Variants in SLC13A3 observed in about 807,000 individuals in gnomAD.
SLC13A3 encodes Na(+)/dicarboxylate cotransporter 3.
SLC13A3 carries 40 observed loss-of-function variants against 59.0 expected under a neutral mutation model. The ratio of observed to expected loss-of-function variants is 0.68; its 90% CI spans 0.53 to 0.88. SLC13A3 has a LOEUF of 0.88. SLC13A3 is among the 40% of genes least tolerant of loss of function. SLC13A3 has a pLI of 0.00. For missense variants in SLC13A3, 699 were observed against 783.2 expected (o/e 0.89, Z 1.28); for synonymous variants, 317 against 330.3 (o/e 0.96, Z 0.44).
At chr20:46,612,039 C>CA (rs950998706) in intron 2 of SLC13A3, among the ~76,000 whole-genome samples, 15 of 145,698 alleles carry the variant, frequency 1.0e-4, no homozygotes, top group South Asian at 2.2e-4. Flanking sequence ...CTCTGTCACC[C>CA]AAAAAAAAAT....
At chr20:46,579,305 T>G (rs2146105533) in intron 9 of SLC13A3, among the ~76,000 whole-genome samples, 1 of 152,166 alleles carries the variant, frequency 6.6e-6, no homozygotes, top group African/African-American at 2.4e-5. Context: ...TTCTTAAATT[T>G]CTGGAGACAG....
intron 1 of SLC13A3, among the ~76,000 whole-genome samples, chr20:46,637,683 C>T (rs1363862383): frequency 6.6e-6 from 1 of 152,200 alleles, no homozygotes; most frequent in Non-Finnish European, 1.5e-5. Context: ...CATGTGAACC[C>T]ATCATCACAA....
At chr20:46,583,539 A>G in intron 9 of SLC13A3, 33 bp downstream of exon 9, 10 of 1,601,356 alleles carry the variant, frequency 6.2e-6, no homozygotes, top group Non-Finnish European at 8.5e-6. Flanking sequence ...GTCCTCACTG[A>G]GCCCACCGAG....
chr20:46,575,913 G>T (rs1424530374), intron 9 of SLC13A3, among the ~76,000 whole-genome samples: 3 of 152,206 alleles, frequency 2.0e-5, no homozygotes, highest in African/African-American at 7.2e-5. Flanking sequence ...CAGCTTGGGA[G>T]TTTTTGGAAA....
intron 4 of SLC13A3, among the ~76,000 whole-genome samples, chr20:46,598,744 G>A (rs972106650): frequency 2.0e-5 from 3 of 152,028 alleles, no homozygotes; most frequent in African/African-American, 7.3e-5. Context: ...CAAAATCAAG[G>A]TTATATCTAT....
chr20:46,635,312 G>C (rs568666360), intron 1 of SLC13A3, among the ~76,000 whole-genome samples: 2 of 152,294 alleles, frequency 1.3e-5, no homozygotes, highest in African/African-American at 4.8e-5. Flanking sequence ...CCCAGGGAAA[G>C]GACCCAGCCT....
rs748317513 is a variant in SLC13A3 at position 46,583,614 on chromosome 20, GGAA to G, written c.1174_1176del (p.Phe392del). 2 of 1,613,796 alleles carry G rather than the reference GGAA, an allele frequency of 1.2e-6. No homozygotes were observed. Among genetic ancestry groups the G allele is most frequent in the South Asian group, 1.1e-5 (1 of 91,052 alleles). On this transcript the variant is annotated inframe_deletion, in exon 9 of 13. Coordinates refer to ENST00000279027, the MANE Select transcript of SLC13A3 (RefSeq NM_022829.6). ...CACTTGAGAGAGGGCCTTTGGGACG[GGAA>G]GAAGAACAAGATGGTGACAATAGCC... is the stretch of plus-strand genomic sequence containing the variant.
In SLC13A3 at chr20:46,558,010, C is replaced by G. The variant is rs2061899429; in HGVS notation, c.*2012G>C. On this transcript the variant is annotated 3_prime_UTR_variant, in exon 13 of 13. Coordinates refer to ENST00000279027, the MANE Select transcript of SLC13A3 (RefSeq NM_022829.6). ...ATTGTTCTAGGAACTGGAGTTACAG[C>G]AGTAAAAAAAATAACATTTGTATTT... The G allele has an allele frequency of 6.6e-6, 1 of 151,928 alleles. No homozygotes were observed. Among genetic ancestry groups the G allele is most frequent in the South Asian group, 2.1e-4 (1 of 4,820 alleles). The allele number at this position is 151,928 out of a possible 1,614,324, so 9.4% of individuals were successfully genotyped here.
At chr20:46,626,362 G>A (rs767152533) in intron 1 of SLC13A3, among the ~76,000 whole-genome samples, 19 of 147,732 alleles carry the variant, frequency 1.3e-4, no homozygotes, top group Admixed American at 2.1e-4. Context: ...TCTTTCTCCT[G>A]TCTCTCTGGA....
In SLC13A3 at chr20:46,573,344, G is replaced by A. The variant is rs145862021; in HGVS notation, c.1332+2229C>T. On this transcript the variant is annotated intron_variant, in intron 10 of 12. Transcript: ENST00000279027. ...TTGTGTCCCCAGACAGATGGATGCT[G>A]GGATACAAGGGCCTGGCTATCTCTG... Among the ~76,000 whole-genome samples, 666 of 152,252 alleles carry A rather than the reference G, an allele frequency of 4.4e-3. 4 individuals carry two copies. The highest frequency in any genetic ancestry group is 0.015 in the African/African-American group (619 of 41,532).
At chr20:46,581,839 A>G (rs1243572325) in intron 9 of SLC13A3, among the ~76,000 whole-genome samples, 1 of 152,220 alleles carries the variant, frequency 6.6e-6, no homozygotes, top group East Asian at 1.9e-4. Context: ...AATTGTATAC[A>G]GAGGGAATGA....
intron 12 of SLC13A3, 131 bp from the exon 13 acceptor site, chr20:46,560,329 G>C (rs1002311374): frequency 1.2e-6 from 1 of 820,218 alleles, no homozygotes; most frequent in Non-Finnish European, 2.0e-6. Context: ...CCAGGACACA[G>C]ACCCAGGTCG....
At chr20:46,561,433 C>T (rs2061929444) in intron 12 of SLC13A3, among the ~76,000 whole-genome samples, 1 of 152,142 alleles carries the variant, frequency 6.6e-6, no homozygotes, top group African/African-American at 2.4e-5. Context: ...CAGGGGCCAC[C>T]ATGGCTTCAG....
chr20:46,603,681 C>A (rs1568931727), intron 3 of SLC13A3, among the ~76,000 whole-genome samples: 1 of 151,938 alleles, frequency 6.6e-6, no homozygotes, highest in African/African-American at 2.4e-5. Flanking sequence ...AACTACCACG[C>A]CTGGGCTGAA....
rs186069595 is a variant in SLC13A3, at chr20:46,579,127, C to G, written c.1220-3442G>C. ...TTTCCCTTTGTCTCTTTGTCTCTCT[C>G]TCCCCCTCGATTTTTCTTTTTTTTC... On this transcript the variant is annotated intron_variant, in intron 9 of 12. Transcript: ENST00000279027. Among the ~76,000 whole-genome samples the G allele has an allele frequency of 1.7e-3, 258 of 151,914 alleles. 1 individual carries two copies. The highest frequency in any genetic ancestry group is 6.0e-3 in the African/African-American group (247 of 41,284).
In SLC13A3 at chr20:46,560,190, T is replaced by C. The variant is rs757747762; in HGVS notation, c.1641A>G (p.Thr547=). 10 of 1,614,094 alleles carry C rather than the reference T, an allele frequency of 6.2e-6. No homozygotes were observed. Among genetic ancestry groups the C allele is most frequent in the Admixed American group, 1.7e-5 (1 of 60,016 alleles). The change falls in exon 13 of 13, where the codon ACA becomes ACG. Residue 547 remains threonine, a synonymous_variant. Coordinates refer to ENST00000279027, the MANE Select transcript of SLC13A3 (RefSeq NM_022829.6). ...GHLLVKDMVR[T]GLLMNLMGVL... The stretch of plus-strand genomic sequence containing the variant: ...CACCCATCAGGTTCATCAGGAGGCC[T>C]GTCCGCACCTGAAATAGAGCCCAGA...
intron 1 of SLC13A3, among the ~76,000 whole-genome samples, chr20:46,642,668 C>A (rs953804325): frequency 6.6e-6 from 1 of 152,170 alleles, no homozygotes; most frequent in Admixed American, 6.5e-5. Flanking sequence ...CCAGTCCAAG[C>A]GCAAAGCCAA....
At chr20:46,671,305 A>G (rs2063090174), upstream of SLC13A3, among the ~76,000 whole-genome samples, 2 of 152,122 alleles carry the variant, frequency 1.3e-5, no homozygotes, top group South Asian at 4.1e-4. Flanking sequence ...CACTCATGCA[A>G]TTGGTCAAGT....
upstream of SLC13A3, among the ~76,000 whole-genome samples, chr20:46,673,502 T>G (rs549437614): frequency 6.6e-6 from 1 of 152,314 alleles, no homozygotes; most frequent in South Asian, 2.1e-4. Flanking sequence ...ATGCTCAGTC[T>G]GCCTGGATCT....
Sources: allele counts gnomAD v4.1 joint callset (sites outside exome capture counted in the v4.1 genomes callset), GRCh38; gene constraint gnomAD v4.1.1; transcripts MANE v1.5; gene names NCBI Gene and HGNC (gene_info 2026-07-23, HGNC 2026-07-21).